KCNMA1: variants seen among roughly 807,000 people sequenced by gnomAD.
KCNMA1 encodes the protein potassium calcium-activated channel subfamily M alpha 1, also known as Calcium-activated potassium channel subunit alpha-1.
KCNMA1 carries 29 observed loss-of-function variants against 140.0 expected under a neutral mutation model. The ratio of observed to expected loss-of-function variants is 0.21; its 90% CI spans 0.15 to 0.28. KCNMA1 has a LOEUF of 0.28. KCNMA1 is among the 10% of genes least tolerant of loss of function. The pLI is 1.00. For missense variants in KCNMA1, 880 were observed against 1,602.2 expected (o/e 0.55, Z 7.70); for synonymous variants, 612 against 611.9 (o/e 1.00, Z 0.00).
intron 1 of KCNMA1, among the ~76,000 whole-genome samples, chr10:77,475,815 A>G (rs905573385): frequency 6.6e-6 from 1 of 152,182 alleles, no homozygotes; most frequent in African/African-American, 2.4e-5. Flanking sequence ...TGGCAATCAC[A>G]GATCTGATTC....
chr10:77,521,446 G>A (rs566946056), intron 1 of KCNMA1, among the ~76,000 whole-genome samples: 9 of 152,306 alleles, frequency 5.9e-5, no homozygotes, highest in African/African-American at 1.9e-4. Context: ...ACTAGTGCCC[G>A]GAAGCTTGGG....
chr10:77,115,040 T>A (rs966705172), intron 6 of KCNMA1, among the ~76,000 whole-genome samples: 4 of 152,266 alleles, frequency 2.6e-5, no homozygotes, highest in African/African-American at 9.6e-5. Context: ...TGTGCCACCA[T>A]CCTAAGTGCT....
At chr10:77,284,072 C>A (rs1170527066) in intron 2 of KCNMA1, among the ~76,000 whole-genome samples, 1 of 152,112 alleles carries the variant, frequency 6.6e-6, no homozygotes, top group African/African-American at 2.4e-5. Flanking sequence ...GCAAGAAAGA[C>A]TATGGCGTGG....
chr10:76,995,161 C>A (rs2153368413), intron 19 of KCNMA1: 1 of 162,062 alleles, frequency 6.2e-6, no homozygotes, highest in South Asian at 1.7e-4. Context: ...CCGCACGCTC[C>A]CACAGATGTT....
chr10:77,013,267 C>A (rs1037501589), intron 17 of KCNMA1, among the ~76,000 whole-genome samples: 1 of 152,140 alleles, frequency 6.6e-6, no homozygotes, highest in Non-Finnish European at 1.5e-5. Context: ...GACTCAGTGT[C>A]CTCATCTGTA....
intron 1 of KCNMA1, among the ~76,000 whole-genome samples, chr10:77,536,337 TC>T (rs1370691619): frequency 1.3e-5 from 2 of 152,326 alleles, no homozygotes; most frequent in African/African-American, 4.8e-5. Flanking sequence ...GACGCCAGCA[TC>T]CTTCTTGTTA....
At chr10:77,033,283 T>A (rs1187922962) in intron 15 of KCNMA1, among the ~76,000 whole-genome samples, 1 of 152,160 alleles carries the variant, frequency 6.6e-6, no homozygotes, top group Non-Finnish European at 1.5e-5. Flanking sequence ...AACATCCGGA[T>A]TTCCAAGACT....
intron 1 of KCNMA1, among the ~76,000 whole-genome samples, chr10:77,499,727 A>C (rs953909768): frequency 1.3e-5 from 2 of 152,172 alleles, no homozygotes; most frequent in Admixed American, 1.3e-4. Context: ...TAATCAAAAC[A>C]AGGAATTCAA....
At chr10:77,117,709 A>ACTTTCCT (rs1341126893) in intron 6 of KCNMA1, among the ~76,000 whole-genome samples, 18 of 152,160 alleles carry the variant, frequency 1.2e-4, no homozygotes, top group South Asian at 2.1e-4. Context: ...ACAGCTGCTG[A>ACTTTCCT]CTTTCCTCTG....
chr10:77,165,615 G>C (rs1032151657), intron 5 of KCNMA1, among the ~76,000 whole-genome samples: 1 of 152,124 alleles, frequency 6.6e-6, no homozygotes, highest in Non-Finnish European at 1.5e-5. Context: ...CTCTGGAGTC[G>C]GGCTGACTTC....
chr10:76,909,341 T>C (rs1013217403), intron 25 of KCNMA1, among the ~76,000 whole-genome samples: 7 of 152,214 alleles, frequency 4.6e-5, no homozygotes, highest in African/African-American at 1.7e-4. Context: ...GCCGCCATCT[T>C]GTACCTCTGA....
intron 1 of KCNMA1, among the ~76,000 whole-genome samples, chr10:77,492,137 C>T (rs4979886): frequency 0.047 from 7,082 of 152,230 alleles, 568 homozygotes; most frequent in African/African-American, 0.16. Context: ...CAGTGCTTGC[C>T]GACAGAGTGC....
At chr10:77,589,639 C>T (rs1342399595) in intron 1 of KCNMA1, among the ~76,000 whole-genome samples, 1 of 152,082 alleles carries the variant, frequency 6.6e-6, no homozygotes, top group Non-Finnish European at 1.5e-5. Context: ...AGTGTTACAG[C>T]TCTTAAGGTG....
intron 15 of KCNMA1, among the ~76,000 whole-genome samples, chr10:77,032,697 C>G: frequency 6.6e-6 from 1 of 150,892 alleles, no homozygotes; most frequent in East Asian, 1.9e-4. Flanking sequence ...AAAGGTCTAC[C>G]AAATTTGACA....
intron 1 of KCNMA1, among the ~76,000 whole-genome samples, chr10:77,418,898 C>T (rs574722422): frequency 6.6e-6 from 1 of 152,344 alleles, no homozygotes; most frequent in South Asian, 2.1e-4. Context: ...CAGGGGAAGT[C>T]GTTCTTCCCC....
chr10:77,043,186 G>C (rs2094837830), intron 14 of KCNMA1, among the ~76,000 whole-genome samples: 1 of 152,190 alleles, frequency 6.6e-6, no homozygotes, highest in African/African-American at 2.4e-5. Flanking sequence ...ACTAGACCTA[G>C]TAGCATCGAA....
chr10:77,212,396 C>G (rs1436360819), intron 3 of KCNMA1, among the ~76,000 whole-genome samples: 1 of 152,058 alleles, frequency 6.6e-6, no homozygotes, highest in Non-Finnish European at 1.5e-5. Context: ...GAGCTGAGCA[C>G]TGAGCACACA....
chr10:77,141,274 C>G (rs1200857757), intron 5 of KCNMA1, among the ~76,000 whole-genome samples: 2 of 152,126 alleles, frequency 1.3e-5, no homozygotes, highest in Non-Finnish European at 2.9e-5. Flanking sequence ...ACCCCAGCCC[C>G]CTCTTAGTTC....
In KCNMA1 at chr10:76,970,077, C is replaced by G. The variant is rs202075749; in HGVS notation, c.2267-10G>C. 30 of 1,609,338 alleles carry G rather than the reference C, an allele frequency of 1.9e-5. No homozygotes were observed. Among genetic ancestry groups the G allele is most frequent in the Non-Finnish European group, 2.5e-5 (29 of 1,175,864 alleles). On this transcript the variant is annotated splice_polypyrimidine_tract_variant and intron_variant, in intron 19 of 27. Coordinates refer to ENST00000286628, the MANE Select transcript of KCNMA1 (RefSeq NM_001161352.2). ...GGCTGCTCATCTTCAACTGGAAATA[C>G]AGGCAGCTCATGAGATTATGAACAG...
Sources: gnomAD v4.1 joint callset for allele counts (sites outside exome capture counted in the v4.1 genomes callset) on GRCh38, gnomAD v4.1.1 for gene constraint, MANE v1.5 for transcripts, NCBI Gene and HGNC (gene_info 2026-07-23, HGNC 2026-07-21) for gene names.